Variants in SAP30BP observed in about 807,000 individuals in gnomAD.
SAP30BP encodes SAP30 binding protein, also known as SAP30-binding protein.
SAP30BP carries 31 observed loss-of-function variants against 46.3 expected under a neutral mutation model. The ratio of observed to expected loss-of-function variants is 0.67; its 90% confidence interval spans 0.50 to 0.90. The LOEUF (loss-of-function observed/expected upper bound fraction) is 0.90, where lower values mean the gene tolerates loss of function less well. SAP30BP is among the 40% of genes least tolerant of loss of function. The probability of loss-of-function intolerance (pLI) is 0.00; values close to 1 mark genes in which losing one functional copy is unlikely to be tolerated. For synonymous variants in SAP30BP, 169 were observed against 144.2 expected (o/e 1.17, Z -1.23); for missense variants, 312 against 391.0 (o/e 0.80, Z 1.70).
chr17:75,684,002 G>GA (rs1272812691), intron 3 of SAP30BP: 2 of 152,228 alleles, frequency 1.3e-5, no homozygotes, highest in African/African-American at 4.8e-5. Context: ...TCCTGGAGGG[G>GA]TGCTTTTCCT....
Position 75,691,601 on chromosome 17 carries a change from A to G in SAP30BP, c.265-1839A>G, listed in dbSNP as rs543470829. On this transcript the variant is annotated intron_variant, in intron 3 of 10. Coordinates refer to ENST00000584667, the MANE Select transcript of SAP30BP (RefSeq NM_013260.8). ...AACTTCCTGTGGCTTTGGGGTAGAC[A>G]TGGTAGACTCCTTGTGTGGGGATTG... 1.2e-5 allele frequency: 5 copies of G among 412,922 alleles called. 1 individual carries two copies. Among genetic ancestry groups the G allele is most frequent in the African/African-American group, 6.2e-5 (3 of 48,642 alleles). The allele number at this position is 412,922 out of a possible 1,614,324, so 25.6% of individuals were successfully genotyped here.
intron 4 of SAP30BP, among the ~76,000 whole-genome samples, chr17:75,698,867 T>TTC (rs2060362012): frequency 6.6e-6 from 1 of 152,232 alleles, no homozygotes. Flanking sequence ...ATTAAACATT[T>TTC]ACCAGCACAC....
chr17:75,690,792 G>A (rs1252451676), intron 3 of SAP30BP: 1 of 456,100 alleles, frequency 2.2e-6, no homozygotes, highest in East Asian at 6.9e-5. Context: ...GCAGGAGGCA[G>A]ATTCCCAGAT....
At position 75,706,103 on chromosome 17, in the gene SAP30BP, G is replaced by C; in HGVS notation, c.745+11G>C. On this transcript the variant is annotated intron_variant, in intron 10 of 10. Transcript: ENST00000584667. The surrounding 1 kb of genome is among the most constrained non-coding windows in gnomAD (Gnocchi z 4.6). ...GCACAGCTGTTGCAGGTAGATTGCA[G>C]AGCTGCCCTGCCTCCTGCCACACAC... is the stretch of plus-strand genomic sequence containing the variant. 6.2e-7 allele frequency: 1 copy of C among 1,607,354 alleles called. No homozygotes were observed. The highest frequency in any genetic ancestry group is 8.5e-7 in the Non-Finnish European group (1 of 1,177,182).
At chr17:75,674,690 G>GTTT (rs1287087489) in intron 3 of SAP30BP, among the ~76,000 whole-genome samples, 988 of 39,474 alleles carry the variant, frequency 0.025, 45 homozygotes, top group East Asian at 0.037. Context: ...TTTTTTGTTT[G>GTTT]TTTTTTGTTT....
chr17:75,705,146 C>T (rs1212553353), intron 9 of SAP30BP: 2 of 331,594 alleles, frequency 6.0e-6, no homozygotes, highest in Non-Finnish European at 1.2e-5. Context: ...AAGAGAGTGC[C>T]AGGCCCAGCT....
chr17:75,705,919 A>G (rs200257596), intron 9 of SAP30BP, 89 bp from the exon 10 acceptor site: 325 of 1,571,324 alleles, frequency 2.1e-4, no homozygotes, highest in Non-Finnish European at 2.7e-4. Flanking sequence ...TGTAGTGCCA[A>G]GCTCCTGTCC....
intron 3 of SAP30BP, chr17:75,690,784 A>G: frequency 2.2e-6 from 1 of 456,456 alleles, no homozygotes; most frequent in Non-Finnish European, 4.4e-6. Flanking sequence ...TATAGCCAGC[A>G]GGAGGCAGAT....
intron 3 of SAP30BP, among the ~76,000 whole-genome samples, chr17:75,673,258 C>G (rs1248019228): frequency 6.6e-6 from 1 of 152,188 alleles, no homozygotes; most frequent in Non-Finnish European, 1.5e-5. Context: ...TAAATGCAAC[C>G]TGCTTTCTAT....
Position 75,706,203 on chromosome 17 carries a change from C to G in SAP30BP, c.745+111C>G. The G allele has an allele frequency of 1.3e-6, 2 of 1,554,948 alleles. No individual in the cohort carries two copies. The highest frequency in any genetic ancestry group is 2.3e-5 in the South Asian group (2 of 86,066). Reference sequence around the variant, plus strand: ...TCTGGGCCTGGGCTCAGCCTTGCTACTTTGAGAAGCACCTTTGGAGTCTGG... The same window carrying G: ...TCTGGGCCTGGGCTCAGCCTTGCTAGTTTGAGAAGCACCTTTGGAGTCTGG... On this transcript the variant is annotated intron_variant, in intron 10 of 10. Transcript: ENST00000584667. This position sits in a 1 kb window ranked among gnomAD's most constrained non-coding sequence, Gnocchi z 4.6.
At chr17:75,677,095 C>T (rs2060001818) in intron 3 of SAP30BP, among the ~76,000 whole-genome samples, 1 of 145,472 alleles carries the variant, frequency 6.9e-6, no homozygotes. Context: ...TTTTACTGTC[C>T]TGGCAGAAAA....
At chr17:75,677,554 C>T (rs1380590573) in intron 3 of SAP30BP, among the ~76,000 whole-genome samples, 2 of 151,238 alleles carry the variant, frequency 1.3e-5, no homozygotes, top group East Asian at 1.9e-4. Context: ...GCCTCAGCCT[C>T]CCGAGTAGCT....
At chr17:75,699,529 A>C (rs1413034020) in intron 4 of SAP30BP, among the ~76,000 whole-genome samples, 2 of 151,812 alleles carry the variant, frequency 1.3e-5, no homozygotes, top group Non-Finnish European at 2.9e-5. Flanking sequence ...AAAACGGAAA[A>C]GTTAACTGCT....
chr17:75,671,900 A>G (rs747904743), intron 3 of SAP30BP, 37 bp downstream of exon 3: 1 of 1,575,804 alleles, frequency 6.3e-7, no homozygotes, highest in South Asian at 1.1e-5. Flanking sequence ...GCTGGATGCA[A>G]ACAAGGTGTT....
At chr17:75,676,849 A>G (rs1452817329) in intron 3 of SAP30BP, among the ~76,000 whole-genome samples, 2 of 152,172 alleles carry the variant, frequency 1.3e-5, no homozygotes, top group Admixed American at 6.5e-5. Flanking sequence ...GTATGTATGT[A>G]TAGGAAAAAG....
At chr17:75,688,120 G>A (rs1010559021) in intron 3 of SAP30BP, among the ~76,000 whole-genome samples, 15 of 152,166 alleles carry the variant, frequency 9.9e-5, no homozygotes, top group Admixed American at 2.6e-4. Flanking sequence ...AGGCCTACAC[G>A]GGGCTTTCTA....
In SAP30BP at chr17:75,703,791, C is replaced by T. The variant is rs552913524; in HGVS notation, c.550-17C>T. On this transcript the variant is annotated splice_polypyrimidine_tract_variant and intron_variant, in intron 7 of 10. Coordinates refer to ENST00000584667, the MANE Select transcript of SAP30BP (RefSeq NM_013260.8). The stretch of plus-strand genomic sequence containing the variant: ...TGAGTCATTTGTCATCTGAGTCATT[C>T]GCCTTTTCCTTTGCAGGATATGTTT... 289 of 1,610,678 alleles carry T rather than the reference C, an allele frequency of 1.8e-4. 3 individuals are homozygous for T. In the South Asian group the frequency reaches 2.9e-3, roughly 16 times the overall value.
Position 75,679,717 on chromosome 17 carries a change from T to C in SAP30BP, c.264+7854T>C, listed in dbSNP as rs542084749. On this transcript the variant is annotated intron_variant, in intron 3 of 10. Transcript: ENST00000584667. ...AGGAAACAAGCTTTGTTTCCTGTGT[T>C]CCATTATTTTTTCGTCTCTAACTTC... is the stretch of plus-strand genomic sequence containing the variant. 3 of 152,234 alleles carry C rather than the reference T, an allele frequency of 2.0e-5. No individual in the cohort carries two copies. In the South Asian group the frequency reaches 6.2e-4, roughly 32 times the overall value. The allele number at this position is 152,234 out of a possible 1,614,324, so 9.4% of individuals were successfully genotyped here. A position where few individuals can be genotyped will look rare whatever the true frequency, so the allele number is the denominator to read the frequency against.
At chr17:75,699,589 A>G (rs2060375707) in intron 4 of SAP30BP, among the ~76,000 whole-genome samples, 194 bp from the exon 5 acceptor site, 1 of 151,852 alleles carries the variant, frequency 6.6e-6, no homozygotes, top group Non-Finnish European at 1.5e-5. Flanking sequence ...AAGCTGGCAC[A>G]TGGCCCACCC....
Sources: allele counts gnomAD v4.1 joint callset (sites outside exome capture counted in the v4.1 genomes callset), GRCh38; gene constraint gnomAD v4.1.1; non-coding constraint Gnocchi (gnomAD v3.1); transcripts MANE v1.5; gene names NCBI Gene and HGNC (gene_info 2026-07-23, HGNC 2026-07-21).